Variants in GABRG3 observed in about 807,000 individuals in gnomAD.
GABRG3 encodes gamma-aminobutyric acid type A receptor subunit gamma3.
A neutral mutation model predicts 48.8 loss-of-function variants in GABRG3; 25 were observed. The observed-to-expected ratio is 0.51, with a 90% confidence interval of 0.37 to 0.72. GABRG3 has a LOEUF of 0.72. GABRG3 is among the 30% of genes least tolerant of loss of function. GABRG3 has a pLI of 0.00. For missense variants in GABRG3, 394 were observed against 577.9 expected (o/e 0.68, Z 3.26); for synonymous variants, 227 against 217.6 (o/e 1.04, Z -0.38).
At chr15:27,315,064 G>A (rs1179412915) in intron 3 of GABRG3, among the ~76,000 whole-genome samples, 5 of 152,136 alleles carry the variant, frequency 3.3e-5, no homozygotes, top group African/African-American at 1.2e-4. Context: ...CTCATGTTAA[G>A]TGTACTTACC....
chr15:26,989,053 A>G (rs980228345), intron 2 of GABRG3, among the ~76,000 whole-genome samples: 50 of 152,290 alleles, frequency 3.3e-4, no homozygotes, highest in African/African-American at 1.2e-3. Context: ...CTACTCACTC[A>G]GGGGTAGTCA....
chr15:27,210,297 T>C (rs1237982056), intron 3 of GABRG3, among the ~76,000 whole-genome samples: 1 of 152,206 alleles, frequency 6.6e-6, no homozygotes, highest in Non-Finnish European at 1.5e-5. Context: ...ATGCACAGTC[T>C]CTGTCTTACA....
At chr15:27,469,005 G>A (rs113576829) in intron 5 of GABRG3, among the ~76,000 whole-genome samples, 23 of 152,222 alleles carry the variant, frequency 1.5e-4, no homozygotes, top group African/African-American at 5.1e-4. Context: ...ATGTGTAGGC[G>A]GAAGATATAA....
At chr15:27,020,726 C>G (rs1397563720) in intron 2 of GABRG3, among the ~76,000 whole-genome samples, 1 of 152,108 alleles carries the variant, frequency 6.6e-6, no homozygotes, top group Non-Finnish European at 1.5e-5. Flanking sequence ...CTGTTGTTTT[C>G]TATCTCTCGC....
intron 2 of GABRG3, among the ~76,000 whole-genome samples, chr15:26,984,108 A>C (rs1310262536): frequency 6.6e-6 from 1 of 152,154 alleles, no homozygotes; most frequent in Non-Finnish European, 1.5e-5. Flanking sequence ...CATCTTTGAA[A>C]CAATGATAAT....
chr15:27,334,687 C>T (rs1017097361), intron 5 of GABRG3, among the ~76,000 whole-genome samples: 3 of 148,812 alleles, frequency 2.0e-5, no homozygotes, highest in African/African-American at 2.6e-5. Flanking sequence ...TTCTGAAGTT[C>T]GGTTGGATGT....
At chr15:27,095,065 G>A (rs544646003) in intron 3 of GABRG3, among the ~76,000 whole-genome samples, 23 of 152,158 alleles carry the variant, frequency 1.5e-4, no homozygotes, top group African/African-American at 5.3e-4. Flanking sequence ...TGAGAGACAG[G>A]CATCTCTGCA....
chr15:27,177,722 A>T lies in GABRG3; in HGVS notation c.271-149087A>T, dbSNP rs538595339. ...TCAACTGTTTGATTTTAAATAAGGT[A>T]GCAAAATAGCCTCAGAGACTGAGTC... On this transcript the variant is annotated intron_variant, in intron 3 of 9. Coordinates refer to ENST00000615808, the MANE Select transcript of GABRG3 (RefSeq NM_033223.5). 1.6e-4 allele frequency among the ~76,000 whole-genome samples: 25 copies of T among 152,370 alleles called. No homozygotes were observed. The South Asian group carries it at 5.2e-3, about 32-fold the overall frequency.
intron 3 of GABRG3, chr15:27,271,418 C>G (rs1891083542): frequency 4.2e-5 from 16 of 382,904 alleles, no homozygotes; most frequent in South Asian, 3.1e-4. Context: ...GCTGCGCAAG[C>G]TGGTATGCCA....
chr15:27,269,666 T>C (rs1469820734), intron 3 of GABRG3, among the ~76,000 whole-genome samples: 2 of 152,198 alleles, frequency 1.3e-5, no homozygotes, highest in Non-Finnish European at 2.9e-5. Flanking sequence ...ATCTTTTGTG[T>C]CTCAGGCCCT....
intron 3 of GABRG3, among the ~76,000 whole-genome samples, chr15:27,135,257 A>G (rs901777240): frequency 3.9e-5 from 6 of 152,218 alleles, no homozygotes; most frequent in African/African-American, 1.4e-4. Flanking sequence ...AATTAAAGGA[A>G]CTAGGAACTG....
intron 2 of GABRG3, among the ~76,000 whole-genome samples, chr15:27,012,268 G>T (rs141736265): frequency 1.0e-3 from 154 of 152,192 alleles, no homozygotes; most frequent in African/African-American, 3.4e-3. Flanking sequence ...CTTATAAGGT[G>T]TCAGCCATGA....
intron 5 of GABRG3, among the ~76,000 whole-genome samples, chr15:27,443,649 T>G (rs1224973931): frequency 2.0e-5 from 3 of 152,214 alleles, no homozygotes. Flanking sequence ...CTTCTCCTTG[T>G]CTGATTGAAC....
chr15:26,971,487 C>T lies in GABRG3; in HGVS notation c.-49C>T, dbSNP rs753247485. The T allele has an allele frequency of 1.4e-6, 2 of 1,442,350 alleles. No homozygotes were observed. The highest frequency in any genetic ancestry group is 2.7e-5 in the South Asian group (2 of 74,176). The allele number at this position is 1,442,350 out of a possible 1,614,324, so 89.3% of individuals were successfully genotyped here. On this transcript the variant is annotated 5_prime_UTR_variant, in exon 1 of 10. Transcript: ENST00000615808. ...GAGACCAGGTCCGCGCCGGAGGAAG[C>T]CGCGCCCGGCCGAGGCCCCGGACCC... is the stretch of plus-strand genomic sequence containing the variant.
At chr15:27,258,519 G>A (rs1218489437) in intron 3 of GABRG3, among the ~76,000 whole-genome samples, 3 of 152,076 alleles carry the variant, frequency 2.0e-5, no homozygotes, top group Non-Finnish European at 2.9e-5. Flanking sequence ...GCCTTCTCGG[G>A]TTACACTGCC....
chr15:27,308,593 T>A (rs1892844495), intron 3 of GABRG3, among the ~76,000 whole-genome samples: 1 of 146,430 alleles, frequency 6.8e-6, no homozygotes, highest in African/African-American at 2.4e-5. Context: ...TACATTTATA[T>A]ATAAACATAA....
At chr15:27,173,844 T>C (rs1380931855) in intron 3 of GABRG3, among the ~76,000 whole-genome samples, 3 of 152,144 alleles carry the variant, frequency 2.0e-5, no homozygotes, top group Non-Finnish European at 4.4e-5. Flanking sequence ...ATCATGATAC[T>C]GTACTCCATC....
At chr15:27,001,438 G>A (rs962388474) in intron 2 of GABRG3, among the ~76,000 whole-genome samples, 8 of 152,292 alleles carry the variant, frequency 5.3e-5, no homozygotes, top group South Asian at 4.1e-4. Flanking sequence ...GCTGACTCCC[G>A]CACACAATGC....
intron 3 of GABRG3, among the ~76,000 whole-genome samples, chr15:27,249,196 A>G (rs1012611292): frequency 1.3e-5 from 2 of 152,056 alleles, no homozygotes; most frequent in African/African-American, 4.8e-5. Flanking sequence ...CCACCCAGAT[A>G]CCCTGGGAGT....
Sources: gnomAD v4.1 joint callset for allele counts (sites outside exome capture counted in the v4.1 genomes callset) on GRCh38, gnomAD v4.1.1 for gene constraint, MANE v1.5 for transcripts, NCBI Gene and HGNC (gene_info 2026-07-23, HGNC 2026-07-21) for gene names.